COL6A6: variants seen among roughly 807,000 people sequenced by gnomAD.
The protein encoded by COL6A6 is collagen type VI alpha 6 chain, also known as collagen alpha-6(VI) chain.
In COL6A6, 183 loss-of-function variants were observed where a neutral mutation model predicts 208.6. That is an observed-to-expected ratio of 0.88 (90% CI 0.78 to 0.99). The LOEUF (loss-of-function observed/expected upper bound fraction) is 0.99. Ranked by LOEUF, COL6A6 falls within the 50% of genes least tolerant of loss-of-function variation. The probability of loss-of-function intolerance (pLI) is 0.00; values close to 1 mark genes in which losing one functional copy is unlikely to be tolerated. For missense variants in COL6A6, 2,816 were observed against 2,815.2 expected, an observed-to-expected ratio of 1.00 and a Z score of -0.01; for synonymous variants, 973 against 1,011.8, an observed-to-expected ratio of 0.96 and a Z score of 0.73.
intron 33 of COL6A6, among the ~76,000 whole-genome samples, chr3:130,651,224 G>C (rs2108412959): frequency 6.6e-6 from 1 of 152,134 alleles, no homozygotes; most frequent in Non-Finnish European, 1.5e-5. Flanking sequence ...TCCAGAGATT[G>C]AGACTATCCT....
intron 5 of COL6A6, 58 bp downstream of exon 5, chr3:130,567,320 A>G (rs1351276510): frequency 4.7e-6 from 6 of 1,278,912 alleles, no homozygotes; most frequent in African/African-American, 1.5e-5. Flanking sequence ...TATCCTGGCA[A>G]TAATTGACAT....
intron 1 of COL6A6, among the ~76,000 whole-genome samples, chr3:130,558,687 T>C (rs1442976913): frequency 6.6e-6 from 1 of 152,112 alleles, no homozygotes; most frequent in Non-Finnish European, 1.5e-5. Context: ...GCATTTTCTC[T>C]CTCATAACTC....
At chr3:130,562,286 A>G (rs1356075705) in intron 2 of COL6A6, among the ~76,000 whole-genome samples, 2 of 152,254 alleles carry the variant, frequency 1.3e-5, no homozygotes, top group African/African-American at 2.4e-5. Flanking sequence ...AAGGTTAAGC[A>G]AAGTATTACA....
At chr3:130,658,571 G>C in intron 33 of COL6A6, 105 bp from the exon 34 acceptor site, 1 of 728,624 alleles carries the variant, frequency 1.4e-6, no homozygotes, top group South Asian at 1.6e-5. Context: ...TACCTTCTTA[G>C]AAGGAGCAGT....
chr3:130,665,705 T>C (rs1448217294), intron 36 of COL6A6, among the ~76,000 whole-genome samples: 1 of 152,184 alleles, frequency 6.6e-6, no homozygotes, highest in Non-Finnish European at 1.5e-5. Context: ...TATACAAGAA[T>C]GCTAGCTAAT....
chr3:130,547,635 A>G (rs1411857867), intron 1 of COL6A6, among the ~76,000 whole-genome samples: 3 of 152,240 alleles, frequency 2.0e-5, no homozygotes, highest in East Asian at 1.9e-4. Flanking sequence ...TGGCCTGCCC[A>G]TAAGCTCATC....
At chr3:130,659,445 A>G (rs1352482105) in intron 34 of COL6A6, among the ~76,000 whole-genome samples, 1 of 152,220 alleles carries the variant, frequency 6.6e-6, no homozygotes, top group Non-Finnish European at 1.5e-5. Context: ...TAGGCCATGC[A>G]CTGTTCTAAT....
intron 1 of COL6A6, among the ~76,000 whole-genome samples, chr3:130,555,276 T>C (rs1243540907): frequency 6.6e-6 from 1 of 152,130 alleles, no homozygotes; most frequent in Non-Finnish European, 1.5e-5. Flanking sequence ...GCTCCTCACC[T>C]GTTGAACTCA....
At chr3:130,609,178 G>A (rs1357018440) in intron 22 of COL6A6, among the ~76,000 whole-genome samples, 1 of 152,182 alleles carries the variant, frequency 6.6e-6, no homozygotes, top group East Asian at 1.9e-4. Flanking sequence ...AAGTGAATGA[G>A]CAAACTAGGC....
At chr3:130,643,115 A>G in intron 31 of COL6A6, 92 bp downstream of exon 31, 2 of 1,346,558 alleles carry the variant, frequency 1.5e-6, no homozygotes, top group Middle Eastern at 4.0e-4. Context: ...TTCACCAGCC[A>G]ATTTCTTAAA....
chr3:130,571,074 T>G lies in COL6A6; in HGVS notation c.2658T>G (p.Thr886=). The part of the protein sequence containing the change: ...LQNDQAMGGS[T]YTAEALGFSD... Reference sequence around the variant, plus strand: ...ATGACCAAGCCATGGGTGGCAGTACTTATACTGCTGAGGCACTGGGCTTCT... The same window carrying G: ...ATGACCAAGCCATGGGTGGCAGTACGTATACTGCTGAGGCACTGGGCTTCT... Residue 886 remains threonine, a synonymous_variant, in exon 7 of 37, where the codon ACT becomes ACG. Transcript: ENST00000358511. The G allele has an allele frequency of 6.2e-7, 1 of 1,613,872 alleles. No individual in the cohort carries two copies. The highest frequency in any genetic ancestry group is 1.1e-5 in the South Asian group (1 of 91,056).
intron 1 of COL6A6, among the ~76,000 whole-genome samples, chr3:130,517,885 T>G (rs543103875): frequency 4.6e-4 from 70 of 152,334 alleles, no homozygotes; most frequent in Non-Finnish European, 1.5e-4. Flanking sequence ...CACAAATTTA[T>G]TAAAGAGGGT....
chr3:130,650,618 AAAAG>A (rs1277717788), intron 33 of COL6A6, among the ~76,000 whole-genome samples: 2 of 151,572 alleles, frequency 1.3e-5, no homozygotes, highest in Non-Finnish European at 2.9e-5. Flanking sequence ...TCCAAAAAAA[AAAAG>A]AAAAAAGAAA....
chr3:130,613,055 C>A (rs1560067103), intron 23 of COL6A6, among the ~76,000 whole-genome samples: 1 of 152,058 alleles, frequency 6.6e-6, no homozygotes, highest in Non-Finnish European at 1.5e-5. Context: ...GTGTTGCAAT[C>A]GCCTTTGTCA....
At chr3:130,585,031 A>G (rs761123866) in intron 10 of COL6A6, among the ~76,000 whole-genome samples, 1 of 152,202 alleles carries the variant, frequency 6.6e-6, no homozygotes, top group Admixed American at 6.5e-5. Context: ...CTCATTTCAT[A>G]TAAAATCATA....
chr3:130,613,080 T>C (rs1008102107), intron 23 of COL6A6, among the ~76,000 whole-genome samples: 1 of 152,224 alleles, frequency 6.6e-6, no homozygotes, highest in African/African-American at 2.4e-5. Context: ...TCTCATGAAA[T>C]CCTTGCCAAG....
At chr3:130,634,903 C>G (rs1486236859) in intron 27 of COL6A6, among the ~76,000 whole-genome samples, 1 of 152,122 alleles carries the variant, frequency 6.6e-6, no homozygotes, top group Non-Finnish European at 1.5e-5. Context: ...TTTACTCCTT[C>G]CCTCTATCAT....
chr3:130,619,318 G>A (rs1479591027), intron 23 of COL6A6, among the ~76,000 whole-genome samples: 1 of 152,106 alleles, frequency 6.6e-6, no homozygotes, highest in African/African-American at 2.4e-5. Context: ...TTCAGAGGAG[G>A]GAGATTGTAC....
rs1464074580 is a variant in COL6A6 at position 130,581,798 on chromosome 3, T to G, written c.3785T>G (p.Leu1262Arg). 1 of 1,613,248 alleles carries G rather than the reference T, an allele frequency of 6.2e-7. No homozygotes were observed. ...PKFEIYSENILNSLKDITVKG... is the reference protein window; with the variant it reads ...PKFEIYSENIRNSLKDITVKG... Reference sequence around the variant, plus strand: ...TTTGAGATCTACAGTGAAAACATACTGAATAGCTTGAAGGATATAACAGTT... The same window carrying G: ...TTTGAGATCTACAGTGAAAACATACGGAATAGCTTGAAGGATATAACAGTT... Residue 1262 changes from leucine (L) to arginine (R), a missense_variant, in exon 9 of 37, where the codon CTG becomes CGG. Leu to Arg is a moderately radical substitution (Grantham distance 102, BLOSUM62 -2). Transcript: ENST00000358511.
Sources: gnomAD v4.1 joint callset for allele counts (sites outside exome capture counted in the v4.1 genomes callset) on GRCh38, gnomAD v4.1.1 for gene constraint, MANE v1.5 for transcripts, NCBI Gene and HGNC (gene_info 2026-07-23, HGNC 2026-07-21) for gene names.